Variants in DIS3L2 observed in about 807,000 individuals in gnomAD.
The protein encoded by DIS3L2 is DIS3 like 3'-5' exoribonuclease 2.
A neutral mutation model predicts 97.5 loss-of-function variants in DIS3L2; 34 were observed. That is an observed-to-expected ratio of 0.35 (90% CI 0.27 to 0.46). The LOEUF (loss-of-function observed/expected upper bound fraction) is 0.46, where lower values mean the gene tolerates loss of function less well. Ranked by LOEUF, DIS3L2 falls within the 20% of genes least tolerant of loss-of-function variation. DIS3L2 has a pLI of 1.00. For synonymous variants in DIS3L2, 435 were observed against 445.2 expected, an observed-to-expected ratio of 0.98 and a Z score of 0.29; for missense variants, 1,038 against 1,146.0, an observed-to-expected ratio of 0.91 and a Z score of 1.36.
chr2:232,341,885 C>T (rs1393280280), downstream of DIS3L2, among the ~76,000 whole-genome samples: 1 of 152,168 alleles, frequency 6.6e-6, no homozygotes, highest in Non-Finnish European at 1.5e-5. Flanking sequence ...TGGAGGGGCC[C>T]ACTCTCAGCC....
intron 9 of DIS3L2, among the ~76,000 whole-genome samples, chr2:232,175,117 A>G (rs2106177856): frequency 6.6e-6 from 1 of 152,140 alleles, no homozygotes; most frequent in Middle Eastern, 3.4e-3. Context: ...ATATGAGCTA[A>G]GCACTCAGCC....
intron 11 of DIS3L2, among the ~76,000 whole-genome samples, chr2:232,240,853 C>T (rs1475689136): frequency 6.6e-6 from 1 of 152,188 alleles, no homozygotes; most frequent in Non-Finnish European, 1.5e-5. Flanking sequence ...CCTTTTATAA[C>T]CAGGAATTAC....
At chr2:232,340,992 C>T (rs1447057855), downstream of DIS3L2, 2 of 465,230 alleles carry the variant, frequency 4.3e-6, no homozygotes, top group African/African-American at 2.0e-5. Context: ...AGAAAGCCAT[C>T]GTGAAACGAG....
intron 6 of DIS3L2, among the ~76,000 whole-genome samples, chr2:232,095,756 A>T (rs1275516157): frequency 6.6e-6 from 1 of 152,114 alleles, no homozygotes; most frequent in Non-Finnish European, 1.5e-5. Flanking sequence ...TCTGGTGTTG[A>T]TGAAGTCCTT....
intron 1 of DIS3L2, among the ~76,000 whole-genome samples, chr2:231,990,801 C>T (rs146164215): frequency 7.4e-4 from 113 of 152,252 alleles, no homozygotes; most frequent in African/African-American, 2.6e-3. Context: ...CAAGCAGTAT[C>T]CTTCATGTAC....
chr2:232,221,986 A>G (rs944064829), intron 10 of DIS3L2, among the ~76,000 whole-genome samples: 1 of 150,402 alleles, frequency 6.6e-6, no homozygotes, highest in African/African-American at 2.4e-5. Flanking sequence ...TCTGTCACTC[A>G]GGCTGGAGTG....
At chr2:232,332,642 CCA>C (rs757845873) in intron 16 of DIS3L2, among the ~76,000 whole-genome samples, 1 of 152,088 alleles carries the variant, frequency 6.6e-6, no homozygotes, top group Non-Finnish European at 1.5e-5. Flanking sequence ...TCCCCCTGCC[CCA>C]GTCCTGCCTC....
intron 20 of DIS3L2, chr2:232,336,152 G>T: frequency 6.5e-7 from 1 of 1,534,252 alleles, no homozygotes; most frequent in Non-Finnish European, 8.8e-7. Flanking sequence ...GTCCTTTAGA[G>T]AACCTGATGA....
intron 13 of DIS3L2, among the ~76,000 whole-genome samples, chr2:232,285,720 C>G (rs1412412079): frequency 6.6e-6 from 1 of 152,178 alleles, no homozygotes; most frequent in East Asian, 1.9e-4. Context: ...CTTAACCTCC[C>G]TGAGCCTCAG....
At position 232,305,020 on chromosome 2, in the gene DIS3L2, C is replaced by T. The variant is rs138267736; in HGVS notation, c.1739+4901C>T. On this transcript the variant is annotated intron_variant, in intron 14 of 20. Transcript: ENST00000325385. ...GTCTGTCACTTTATTCTCCTTGTAG[C>T]AGTTTACTATCGGCTGCTTAATAAC... Among the ~76,000 whole-genome samples, 720 of 152,256 alleles carry T rather than the reference C, an allele frequency of 4.7e-3. 3 individuals carry two copies. The highest frequency in any genetic ancestry group is 0.016 in the African/African-American group (652 of 41,540).
intron 9 of DIS3L2, among the ~76,000 whole-genome samples, chr2:232,171,766 G>T (rs1472002710): frequency 1.3e-5 from 2 of 152,084 alleles, no homozygotes; most frequent in Non-Finnish European, 2.9e-5. Flanking sequence ...AGGATGAATG[G>T]GCCCTAAAGT....
intron 5 of DIS3L2, among the ~76,000 whole-genome samples, chr2:232,047,561 A>G (rs1414006107): frequency 3.3e-5 from 5 of 152,240 alleles, no homozygotes; most frequent in African/African-American, 1.2e-4. Flanking sequence ...AAAAATTGAG[A>G]TAAAATTCAC....
intron 1 of DIS3L2, among the ~76,000 whole-genome samples, chr2:231,997,283 A>C (rs1693755819): frequency 6.6e-6 from 1 of 152,246 alleles, no homozygotes; most frequent in African/African-American, 2.4e-5. Flanking sequence ...CTGTGTTTGC[A>C]AAAAGTGCTG....
At chr2:231,971,957 C>T (rs1356960990) in intron 1 of DIS3L2, among the ~76,000 whole-genome samples, 1 of 150,034 alleles carries the variant, frequency 6.7e-6, no homozygotes. Context: ...GAGGCCGAGG[C>T]GGATGGATCA....
chr2:232,211,120 T>A (rs1559156815), intron 10 of DIS3L2, among the ~76,000 whole-genome samples: 1 of 151,572 alleles, frequency 6.6e-6, no homozygotes, highest in Non-Finnish European at 1.5e-5. Context: ...CTCCTCCTCC[T>A]CCACCTCCCC....
At chr2:232,328,169 G>A (rs1205816996) in intron 14 of DIS3L2, among the ~76,000 whole-genome samples, 3 of 152,200 alleles carry the variant, frequency 2.0e-5, no homozygotes, top group Non-Finnish European at 4.4e-5. Flanking sequence ...CCTTTTACCT[G>A]CTGGGTGTCC....
At chr2:231,976,856 C>T (rs916114876) in intron 1 of DIS3L2, among the ~76,000 whole-genome samples, 2 of 151,354 alleles carry the variant, frequency 1.3e-5, no homozygotes, top group Non-Finnish European at 2.9e-5. Flanking sequence ...CAGGCTCCGC[C>T]TCCCGGGTTG....
chr2:232,099,863 G>A (rs532709975), intron 6 of DIS3L2, among the ~76,000 whole-genome samples: 10 of 152,176 alleles, frequency 6.6e-5, no homozygotes, highest in African/African-American at 2.4e-4. Flanking sequence ...CCTAATGCTC[G>A]TTATATTCTG....
At chr2:232,265,190 C>T (rs1693821406) in intron 13 of DIS3L2, among the ~76,000 whole-genome samples, 1 of 152,192 alleles carries the variant, frequency 6.6e-6, no homozygotes, top group Non-Finnish European at 1.5e-5. Context: ...CTTTGAAACC[C>T]ACCTCCTGGT....
Sources: gnomAD v4.1 joint callset for allele counts (sites outside exome capture counted in the v4.1 genomes callset) on GRCh38, gnomAD v4.1.1 for gene constraint, MANE v1.5 for transcripts, NCBI Gene and HGNC (gene_info 2026-07-23, HGNC 2026-07-21) for gene names.